The following IKZF1 variants were observed in gnomAD, a reference collection of about 807,000 sequenced individuals.
IKZF1 encodes DNA-binding protein Ikaros.
IKZF1 carries 10 observed loss-of-function variants against 51.7 expected under a neutral mutation model. The ratio of observed to expected loss-of-function variants is 0.19; its 90% CI spans 0.12 to 0.33. IKZF1 has a LOEUF of 0.33. IKZF1 is among the 10% of genes least tolerant of loss of function. The pLI is 1.00. For synonymous variants in IKZF1, 280 were observed against 282.3 expected, an observed-to-expected ratio of 0.99 and a Z score of 0.08; for missense variants, 484 against 707.5, an observed-to-expected ratio of 0.68 and a Z score of 3.58.
chr7:50,376,945 G>GT lies in IKZF1; in HGVS notation c.421+153dup. 1 of 1,302,582 alleles carries GT rather than the reference G, an allele frequency of 7.7e-7. No homozygotes were observed. The highest frequency in any genetic ancestry group is 1.0e-6 in the Non-Finnish European group (1 of 967,808). 80.7% of individuals were successfully genotyped at this position (1,302,582 alleles called of 1,614,324 possible). On this transcript the variant is annotated intron_variant, in intron 4 of 7. Transcript: ENST00000331340. The surrounding 1 kb of genome is among the most constrained non-coding windows in gnomAD (Gnocchi z 4.5). ...AGCGATTGGTTCCAAGTGGTACCGA[G>GT]TCATAGAGTCCTTGTTCTGGTACAG...
chr7:50,353,071 T>C (rs1266876684), intron 3 of IKZF1, among the ~76,000 whole-genome samples: 1 of 152,234 alleles, frequency 6.6e-6, no homozygotes, highest in Non-Finnish European at 1.5e-5. Flanking sequence ...TAGAATCTTT[T>C]CATAGAAGAC....
rs1408829038 is a variant in IKZF1, at chr7:50,403,790, G to T, written c.*3163G>T. The stretch of plus-strand genomic sequence containing the variant: ...GCCTGAGATGTAGTTTTGTTATATG[G>T]TTCCCCACCGACCATTTTTGTGCTT... On this transcript the variant is annotated 3_prime_UTR_variant, in exon 8 of 8. Transcript: ENST00000331340. 4 of 226,822 alleles carry T rather than the reference G, an allele frequency of 1.8e-5. No individual in the cohort carries two copies. The highest frequency in any genetic ancestry group is 3.5e-5 in the Non-Finnish European group (4 of 113,782). The allele number at this position is 226,822 out of a possible 1,614,324, so 14.1% of individuals were successfully genotyped here. A position where few individuals can be genotyped will look rare whatever the true frequency, so the allele number is the denominator to read the frequency against.
chr7:50,350,584 G>A (rs949134319), intron 3 of IKZF1, among the ~76,000 whole-genome samples: 1 of 152,196 alleles, frequency 6.6e-6, no homozygotes, highest in Non-Finnish European at 1.5e-5. Flanking sequence ...GGTTCTGACG[G>A]CACGTTACAC....
chr7:50,400,878 C>T lies in IKZF1; in HGVS notation c.*251C>T, dbSNP rs1585042098. ...ACTGCTACCTTCCTAGATGTTTCCCCAGACCGCTGGCTGAGATTCCCTCAC... is the reference window on the plus strand; with the variant it reads ...ACTGCTACCTTCCTAGATGTTTCCCTAGACCGCTGGCTGAGATTCCCTCAC... On this transcript the variant is annotated 3_prime_UTR_variant, in exon 8 of 8. Coordinates refer to ENST00000331340, the MANE Select transcript of IKZF1 (RefSeq NM_006060.6). The surrounding 1 kb of genome is among the most constrained non-coding windows in gnomAD (Gnocchi z 5.4). The T allele has an allele frequency of 1.9e-6, 1 of 534,032 alleles. No individual in the cohort carries two copies. Among genetic ancestry groups the T allele is most frequent in the East Asian group, 3.3e-5 (1 of 30,026 alleles). The allele number at this position is 534,032 out of a possible 1,614,324, so 33.1% of individuals were successfully genotyped here. A position where few individuals can be genotyped will look rare whatever the true frequency, so the allele number is the denominator to read the frequency against.
intron 3 of IKZF1, chr7:50,369,502 T>C (rs183923079): frequency 3.5e-4 from 139 of 398,594 alleles, no homozygotes; most frequent in South Asian, 1.0e-3. Flanking sequence ...GTGTCTCTCT[T>C]TCTCTCCCAC....
intron 1 of IKZF1, chr7:50,308,788 A>G (rs1349201947): frequency 6.6e-6 from 1 of 152,346 alleles, no homozygotes; most frequent in Admixed American, 6.5e-5. Flanking sequence ...GCCAGGCACC[A>G]AGATCCCTCC....
chr7:50,401,017 G>T lies in IKZF1; in HGVS notation c.*390G>T. On this transcript the variant is annotated 3_prime_UTR_variant, in exon 8 of 8. Transcript: ENST00000331340. Reference sequence around the variant, plus strand: ...CGTGCTCTACCCTGTGCTAAGCACGGGGTTCGCGCACCAGGTGTCTTTTTC... The same window carrying T: ...CGTGCTCTACCCTGTGCTAAGCACGTGGTTCGCGCACCAGGTGTCTTTTTC... 3 of 336,208 alleles carry T rather than the reference G, an allele frequency of 8.9e-6. No individual in the cohort carries two copies. Among genetic ancestry groups the T allele is most frequent in the Non-Finnish European group, 1.7e-5 (3 of 181,656 alleles). The allele number at this position is 336,208 out of a possible 1,614,324, so 20.8% of individuals were successfully genotyped here.
At chr7:50,367,841 T>C in intron 3 of IKZF1, 1 of 593,860 alleles carries the variant, frequency 1.7e-6, no homozygotes, top group East Asian at 2.8e-5. Context: ...GTAATTACTT[T>C]TCTGTTGCCT....
At chr7:50,363,113 T>C (rs1805741373) in intron 3 of IKZF1, among the ~76,000 whole-genome samples, 1 of 152,134 alleles carries the variant, frequency 6.6e-6, no homozygotes, top group African/African-American at 2.4e-5. Context: ...ACCATCAACA[T>C]GCATGGGCTA....
chr7:50,361,090 T>A (rs970962535), intron 3 of IKZF1, among the ~76,000 whole-genome samples: 5 of 152,246 alleles, frequency 3.3e-5, no homozygotes, highest in Admixed American at 3.3e-4. Context: ...CCTGCCACGA[T>A]CCCTGACAAG....
chr7:50,351,137 G>T (rs1350709826), intron 3 of IKZF1, among the ~76,000 whole-genome samples: 4 of 152,110 alleles, frequency 2.6e-5, no homozygotes, highest in Non-Finnish European at 5.9e-5. Context: ...CATCTCAATT[G>T]TTCATTACAT....
intron 3 of IKZF1, among the ~76,000 whole-genome samples, chr7:50,361,245 T>A (rs907631088): frequency 6.6e-6 from 1 of 152,196 alleles, no homozygotes; most frequent in South Asian, 2.1e-4. Context: ...TGCATTTTCT[T>A]CTTTGCATAT....
chr7:50,377,234 A>C (rs1810535022), intron 4 of IKZF1: 1 of 162,814 alleles, frequency 6.1e-6, no homozygotes, highest in Non-Finnish European at 1.3e-5. Flanking sequence ...CCAAACTAAC[A>C]GGGTTTGATG....
At chr7:50,348,380 G>A (rs1051591193) in intron 3 of IKZF1, among the ~76,000 whole-genome samples, 1 of 152,196 alleles carries the variant, frequency 6.6e-6, no homozygotes, top group Admixed American at 6.5e-5. Flanking sequence ...TGCCCCACAC[G>A]TTGGCTATTA....
In IKZF1 at chr7:50,353,885, C is replaced by T. The variant is rs184536840; in HGVS notation, c.161-22648C>T. ...GCTGTTGTCCCGGGTCCCCCTGCCC[C>T]CAGCACCTCTGTTACAAGAAGCAGA... On this transcript the variant is annotated intron_variant, in intron 3 of 7. Transcript: ENST00000331340. Among the ~76,000 whole-genome samples, 10 of 152,334 alleles carry T rather than the reference C, an allele frequency of 6.6e-5. No individual in the cohort carries two copies. In the East Asian group the frequency reaches 1.9e-3, roughly 29 times the overall value.
intron 3 of IKZF1, among the ~76,000 whole-genome samples, chr7:50,349,825 T>A (rs1801373889): frequency 6.6e-6 from 1 of 152,200 alleles, no homozygotes; most frequent in Non-Finnish European, 1.5e-5. Context: ...AGGGCATTCA[T>A]GCTTATGTTT....
At chr7:50,337,856 C>T (rs1245725545) in intron 3 of IKZF1, among the ~76,000 whole-genome samples, 8 of 152,130 alleles carry the variant, frequency 5.3e-5, no homozygotes, top group Admixed American at 4.6e-4. Context: ...TATTTAGCCA[C>T]CCACATCACA....
intron 3 of IKZF1, among the ~76,000 whole-genome samples, chr7:50,359,078 G>A (rs1021785533): frequency 6.6e-6 from 1 of 152,018 alleles, no homozygotes; most frequent in Non-Finnish European, 1.5e-5. Flanking sequence ...TAGGCAATAT[G>A]GTAAAACCCT....
chr7:50,323,813 A>G (rs763129891), intron 2 of IKZF1, among the ~76,000 whole-genome samples: 1 of 152,228 alleles, frequency 6.6e-6, no homozygotes, highest in South Asian at 2.1e-4. Context: ...AAATAATACC[A>G]TAAGTTTACT....
Sources: gnomAD v4.1 joint callset for allele counts (sites outside exome capture counted in the v4.1 genomes callset) on GRCh38, gnomAD v4.1.1 for gene constraint, Gnocchi (gnomAD v3.1) non-coding constraint, MANE v1.5 for transcripts, NCBI Gene and HGNC (gene_info 2026-07-23, HGNC 2026-07-21) for gene names.